RTKN2: variants seen among roughly 807,000 people sequenced by gnomAD.
RTKN2 encodes rhotekin-2.
In RTKN2, 69 loss-of-function variants were observed where a neutral mutation model predicts 71.5. That is an observed-to-expected ratio of 0.96 (90% CI 0.79 to 1.18). The LOEUF (loss-of-function observed/expected upper bound fraction) is 1.18. Among genes scored for constraint, RTKN2 ranks in the 50% most tolerant of loss-of-function variants. The pLI, the probability that RTKN2 is intolerant of heterozygous loss-of-function variation, is 0.00. For synonymous variants in RTKN2, 236 were observed against 236.5 expected (o/e 1.00, Z 0.02); for missense variants, 724 against 719.7 (o/e 1.01, Z -0.07).
intron 9 of RTKN2, among the ~76,000 whole-genome samples, chr10:62,213,374 A>T (rs1241151064): frequency 6.6e-6 from 1 of 152,314 alleles, no homozygotes; most frequent in South Asian, 2.1e-4. Flanking sequence ...TACTTGTCTG[A>T]TCGACCATAA....
chr10:62,250,957 C>T (rs1239551688), intron 2 of RTKN2, among the ~76,000 whole-genome samples: 2 of 152,182 alleles, frequency 1.3e-5, no homozygotes, highest in African/African-American at 2.4e-5. Flanking sequence ...TTAAACTGCA[C>T]ACCATTCTGA....
chr10:62,223,302 A>G lies in RTKN2; in HGVS notation c.717T>C (p.Thr239=). ...CCTCAGCACTTTCCAAGGTTAGGGT[A>G]GTGTGAGCTAGCAAATTATACTTTA... ...FGVKYNLLAH[T]TLTLESAEDS... Residue 239 remains threonine, a synonymous_variant, in exon 7 of 12, where the codon ACT becomes ACC. Coordinates refer to ENST00000373789, the MANE Select transcript of RTKN2 (RefSeq NM_145307.4). 1 of 1,609,400 alleles carries G rather than the reference A, an allele frequency of 6.2e-7. No homozygotes were observed. The highest frequency in any genetic ancestry group is 2.2e-5 in the East Asian group (1 of 44,764).
intron 2 of RTKN2, among the ~76,000 whole-genome samples, chr10:62,249,452 T>C (rs1229453325): frequency 1.3e-5 from 2 of 150,640 alleles, no homozygotes; most frequent in African/African-American, 4.9e-5. Flanking sequence ...CCGTGTGTAC[T>C]TTTTTTGTGC....
At chr10:62,199,146 G>A (rs1483202300) in intron 11 of RTKN2, among the ~76,000 whole-genome samples, 1 of 152,184 alleles carries the variant, frequency 6.6e-6, no homozygotes, top group South Asian at 2.1e-4. Flanking sequence ...TAAAGTGAAT[G>A]TAAGTACAGG....
intron 6 of RTKN2, among the ~76,000 whole-genome samples, chr10:62,227,124 C>T (rs1003852462): frequency 6.6e-6 from 1 of 152,074 alleles, no homozygotes; most frequent in African/African-American, 2.4e-5. Context: ...AGGCACTGTT[C>T]CAGGTGTTAA....
In RTKN2 at chr10:62,196,996, TAGGAAA is replaced by T; in HGVS notation, c.*906_*911del. On this transcript the variant is annotated 3_prime_UTR_variant, in exon 12 of 12. Transcript: ENST00000373789. The stretch of plus-strand genomic sequence containing the variant: ...ACCACTAGCAGACATCAACTCTTAC[TAGGAAA>T]AGGAAATCTAATTAAAATTTTAAAA... 2.1e-6 allele frequency: 2 copies of T among 971,400 alleles called. No individual in the cohort carries two copies. The highest frequency in any genetic ancestry group is 9.5e-5 in the South Asian group (2 of 20,950). The allele number at this position is 971,400 out of a possible 1,614,324, so 60.2% of individuals were successfully genotyped here.
chr10:62,264,906 A>G (rs906057614), intron 1 of RTKN2, among the ~76,000 whole-genome samples: 1 of 151,410 alleles, frequency 6.6e-6, no homozygotes, highest in African/African-American at 2.4e-5. Flanking sequence ...CAGCTGGACT[A>G]TTTGAAATTC....
chr10:62,242,037 C>CA (rs1842387591), intron 3 of RTKN2, among the ~76,000 whole-genome samples: 1 of 136,896 alleles, frequency 7.3e-6, no homozygotes, highest in Admixed American at 7.6e-5. Flanking sequence ...TTTGTAGAGA[C>CA]AGAGTTCACT....
chr10:62,242,674 C>G (rs763212556), intron 3 of RTKN2, among the ~76,000 whole-genome samples: 7 of 151,488 alleles, frequency 4.6e-5, no homozygotes, highest in African/African-American at 1.5e-4. Context: ...GGAGTGCAAT[C>G]GTGCGATCTC....
At position 62,196,711 on chromosome 10, in the gene RTKN2, A is replaced by G; in HGVS notation, c.*1197T>C. 1 of 984,896 alleles carries G rather than the reference A, an allele frequency of 1.0e-6. No individual in the cohort carries two copies. Among genetic ancestry groups the G allele is most frequent in the African/African-American group, 1.7e-5 (1 of 57,366 alleles). 61.0% of individuals were successfully genotyped at this position (984,896 alleles called of 1,614,324 possible). A position where few individuals can be genotyped will look rare whatever the true frequency, so the allele number is the denominator to read the frequency against. ...GGGTTCAGTGTGATTTGAGATTTTT[A>G]GTGCTGTTGCTGACACCTTATGGAA... On this transcript the variant is annotated 3_prime_UTR_variant, in exon 12 of 12. Coordinates refer to ENST00000373789, the MANE Select transcript of RTKN2 (RefSeq NM_145307.4).
In RTKN2 at chr10:62,251,961, T is replaced by TA. The variant is rs1359123213; in HGVS notation, c.258-5905dup. Among the ~76,000 whole-genome samples, 6 of 151,724 alleles carry TA rather than the reference T, an allele frequency of 4.0e-5. No homozygotes were observed. In the East Asian group the frequency reaches 9.7e-4, roughly 24 times the overall value. On this transcript the variant is annotated intron_variant, in intron 2 of 11. Transcript: ENST00000373789. ...AAAGAACAAAAATGAAATAAAGTATTAAAAAAGATCAGAAAGTGATAGACA... is the reference window on the plus strand; with the variant it reads ...AAAGAACAAAAATGAAATAAAGTATTAAAAAAAGATCAGAAAGTGATAGACA...
At position 62,198,144 on chromosome 10, in the gene RTKN2, T is replaced by C. The variant is rs200719773; in HGVS notation, c.1594A>G (p.Lys532Glu). 5.7e-5 allele frequency: 92 copies of C among 1,614,192 alleles called. 1 individual carries two copies. In the Admixed American group the frequency reaches 6.3e-4, roughly 11 times the overall value. ...GACGATGTCTGAGATACACTTGTTT[T>C]TCCCCAGTTGTCCTTAACCAATTGA... The part of the protein sequence containing the change: ...TDQLVKDNWG[K>E]TSVSQTSSLD... The change falls in exon 12 of 12, where the codon AAA (lysine) becomes GAA (glutamate). Residue 532 changes from lysine to glutamate, a missense_variant. Coordinates refer to ENST00000373789, the MANE Select transcript of RTKN2 (RefSeq NM_145307.4).
intron 8 of RTKN2, 58 bp downstream of exon 8, chr10:62,218,137 G>A (rs1841817238): frequency 2.8e-6 from 3 of 1,059,242 alleles, no homozygotes; most frequent in Non-Finnish European, 4.3e-6. Flanking sequence ...ACAACTGCCT[G>A]TATATTAAGA....
At position 62,196,539 on chromosome 10, in the gene RTKN2, T is replaced by C; in HGVS notation, c.*1369A>G. 1.0e-6 allele frequency: 1 copy of C among 985,380 alleles called. No individual in the cohort carries two copies. 61.0% of individuals were successfully genotyped at this position (985,380 alleles called of 1,614,324 possible). A position where few individuals can be genotyped will look rare whatever the true frequency, so the allele number is the denominator to read the frequency against. ...ATGAAAGGCTCCATTTAAATTAATGTGGTTTTTTGGTCAAGTGTTCATTTT... is the reference window on the plus strand; with the variant it reads ...ATGAAAGGCTCCATTTAAATTAATGCGGTTTTTTGGTCAAGTGTTCATTTT... On this transcript the variant is annotated 3_prime_UTR_variant, in exon 12 of 12. Transcript: ENST00000373789.
chr10:62,202,597 G>T lies in RTKN2; in HGVS notation c.1186+2260C>A, dbSNP rs561776515. On this transcript the variant is annotated intron_variant, in intron 10 of 11. Coordinates refer to ENST00000373789, the MANE Select transcript of RTKN2 (RefSeq NM_145307.4). ...AATTTGTACTTTAAAAATTACATAGGTTGGCAGTTTTTATGCAAAAAAGCA... is the reference window on the plus strand; with the variant it reads ...AATTTGTACTTTAAAAATTACATAGTTTGGCAGTTTTTATGCAAAAAAGCA... Among the ~76,000 whole-genome samples, 5 of 152,200 alleles carry T rather than the reference G, an allele frequency of 3.3e-5. No individual in the cohort carries two copies. In the South Asian group the frequency reaches 6.2e-4, roughly 19 times the overall value.
chr10:62,192,707 C>T (rs1841241895), downstream of RTKN2, among the ~76,000 whole-genome samples: 1 of 152,110 alleles, frequency 6.6e-6, no homozygotes, highest in Non-Finnish European at 1.5e-5. Context: ...TAGCAAGGGC[C>T]GGAGCACAGT....
rs905525690 is a variant in RTKN2 at position 62,194,145 on chromosome 10, T to A, written c.*3763A>T. On this transcript the variant is annotated 3_prime_UTR_variant, in exon 12 of 12. Transcript: ENST00000373789. ...TCTGACCCATATTAAAAAATAAAAA[T>A]TATAAACAAAGCCAATTACACAAGC... 2 of 977,626 alleles carry A rather than the reference T, an allele frequency of 2.0e-6. No homozygotes were observed. The highest frequency in any genetic ancestry group is 1.8e-5 in the African/African-American group (1 of 57,012). 60.6% of individuals were successfully genotyped at this position (977,626 alleles called of 1,614,324 possible). A position where few individuals can be genotyped will look rare whatever the true frequency, so the allele number is the denominator to read the frequency against.
At chr10:62,187,569 T>C (rs7077634) in intron 8 of RTKN2, among the ~76,000 whole-genome samples, 50,451 of 152,006 alleles carry the variant, frequency 0.33, 9,521 homozygotes, top group African/African-American at 0.52. Context: ...AAAGAGCTGC[T>C]AGGCAAGAAA....
chr10:62,209,358 C>G (rs938526334), intron 9 of RTKN2, among the ~76,000 whole-genome samples: 2 of 149,618 alleles, frequency 1.3e-5, no homozygotes, highest in South Asian at 2.1e-4. Flanking sequence ...GATAAAAGAT[C>G]AATTTCTTCA....
Sources: allele counts gnomAD v4.1 joint callset (sites outside exome capture counted in the v4.1 genomes callset), GRCh38; gene constraint gnomAD v4.1.1; transcripts MANE v1.5; gene names NCBI Gene and HGNC (gene_info 2026-07-23, HGNC 2026-07-21).